The following MEI4 variants were observed in gnomAD, a reference collection of about 807,000 sequenced individuals.
MEI4 encodes the protein meiosis-specific protein MEI4.
MEI4 carries 27 observed loss-of-function variants against 31.4 expected under a neutral mutation model. That is an observed-to-expected ratio of 0.86 (90% CI 0.63 to 1.19). MEI4 has a LOEUF of 1.19. Among genes scored for constraint, MEI4 ranks in the 50% most tolerant of loss-of-function variants. The pLI is 0.00. For synonymous variants in MEI4, 122 were observed against 145.4 expected, an observed-to-expected ratio of 0.84 and a Z score of 1.16; for missense variants, 329 against 398.9, an observed-to-expected ratio of 0.82 and a Z score of 1.49.
intron 4 of MEI4, among the ~76,000 whole-genome samples, chr6:77,866,260 T>C (rs1341533035): frequency 6.6e-6 from 1 of 151,882 alleles, no homozygotes; most frequent in Non-Finnish European, 1.5e-5. Context: ...AAATAAAGGG[T>C]ATTCAATTAG....
At chr6:77,899,463 C>G (rs772593924) in intron 4 of MEI4, among the ~76,000 whole-genome samples, 2 of 152,034 alleles carry the variant, frequency 1.3e-5, no homozygotes, top group Non-Finnish European at 1.5e-5. Context: ...TTTTATCCAA[C>G]TAAAAGACCT....
At chr6:77,890,131 A>G (rs560650318) in intron 4 of MEI4, among the ~76,000 whole-genome samples, 24 of 152,212 alleles carry the variant, frequency 1.6e-4, no homozygotes, top group Admixed American at 7.9e-4. Context: ...TGGAACTGTC[A>G]GAAGAGGGCC....
chr6:77,727,457 T>G (rs1354078158), intron 2 of MEI4, among the ~76,000 whole-genome samples: 1 of 152,196 alleles, frequency 6.6e-6, no homozygotes, highest in African/African-American at 2.4e-5. Context: ...AGGGACAGTC[T>G]GAACTATTGA....
intron 4 of MEI4, among the ~76,000 whole-genome samples, chr6:77,904,689 A>G (rs1303044558): frequency 6.6e-6 from 1 of 152,038 alleles, no homozygotes; most frequent in African/African-American, 2.4e-5. Flanking sequence ...TATGCACCAC[A>G]TTTTCTTTAT....
chr6:77,650,648 G>A (rs1411107375), upstream of MEI4, among the ~76,000 whole-genome samples: 3 of 152,266 alleles, frequency 2.0e-5, no homozygotes, highest in African/African-American at 7.2e-5. Flanking sequence ...TTCTGTGCCT[G>A]TGGACCACTC....
intron 1 of MEI4, among the ~76,000 whole-genome samples, chr6:77,656,745 C>T (rs1384506833): frequency 1.3e-5 from 2 of 152,046 alleles, no homozygotes; most frequent in Non-Finnish European, 2.9e-5. Context: ...ATAATTTACT[C>T]TTAATAATCC....
chr6:77,870,137 A>T (rs1771155721), intron 4 of MEI4, among the ~76,000 whole-genome samples: 2 of 152,168 alleles, frequency 1.3e-5, no homozygotes, highest in Admixed American at 1.3e-4. Flanking sequence ...CAAATTTAAG[A>T]TAGTATGAAA....
chr6:77,879,818 C>A (rs1392480488), intron 4 of MEI4, among the ~76,000 whole-genome samples: 1 of 152,164 alleles, frequency 6.6e-6, no homozygotes, highest in African/African-American at 2.4e-5. Flanking sequence ...TTCAAAAACG[C>A]ACTTCCCAGA....
intron 4 of MEI4, among the ~76,000 whole-genome samples, chr6:77,898,466 T>A (rs1463781108): frequency 6.6e-6 from 1 of 152,038 alleles, no homozygotes; most frequent in Non-Finnish European, 1.5e-5. Flanking sequence ...TATATTATAT[T>A]CAGTGAACAT....
chr6:77,662,642 C>T (rs1467471493), intron 1 of MEI4, among the ~76,000 whole-genome samples: 3 of 152,142 alleles, frequency 2.0e-5, no homozygotes, highest in Admixed American at 6.5e-5. Context: ...AGCCACTGCA[C>T]GCAGACATGA....
Position 77,711,344 on chromosome 6 carries a change from G to GTGTATATATA in MEI4, c.232+20444_232+20445insATATATATGT, listed in dbSNP as rs1472405743. Among the ~76,000 whole-genome samples, 213 of 152,042 alleles carry GTGTATATATA rather than the reference G, an allele frequency of 1.4e-3. 1 individual carries two copies. The highest frequency in any genetic ancestry group is 4.5e-3 in the African/African-American group (187 of 41,470). On this transcript the variant is annotated intron_variant, in intron 2 of 4. Transcript: ENST00000684080. ...TATATGTGTATATATGTATATATATGTGTGTGTGTATATATATGTATATAT... is the reference window on the plus strand; with the variant it reads ...TATATGTGTATATATGTATATATATGTGTATATATATGTGTGTGTATATATATGTATATAT...
At chr6:77,803,002 A>T (rs1414748004) in intron 3 of MEI4, among the ~76,000 whole-genome samples, 1 of 152,012 alleles carries the variant, frequency 6.6e-6, no homozygotes. Context: ...GTATTTCCTG[A>T]ATTTGAATGT....
intron 2 of MEI4, among the ~76,000 whole-genome samples, chr6:77,727,427 A>G (rs536185088): frequency 2.0e-5 from 3 of 152,316 alleles, no homozygotes; most frequent in South Asian, 4.1e-4. Flanking sequence ...TTATTTGAAG[A>G]TATATGTTTA....
intron 4 of MEI4, among the ~76,000 whole-genome samples, chr6:77,866,955 A>C (rs931133880): frequency 4.6e-5 from 7 of 152,202 alleles, no homozygotes; most frequent in Non-Finnish European, 8.8e-5. Flanking sequence ...CAACCCTGAC[A>C]AAAACAAGCA....
At chr6:77,778,308 G>A (rs1181873865) in intron 3 of MEI4, among the ~76,000 whole-genome samples, 1 of 152,044 alleles carries the variant, frequency 6.6e-6, no homozygotes. Context: ...TAGAAGAGTT[G>A]CAAATAGAGG....
chr6:77,902,800 A>G (rs1033349393), intron 4 of MEI4, among the ~76,000 whole-genome samples: 1 of 152,032 alleles, frequency 6.6e-6, no homozygotes, highest in African/African-American at 2.4e-5. Context: ...TTCAAGTATC[A>G]CCTTTGCTTC....
intron 4 of MEI4, among the ~76,000 whole-genome samples, chr6:77,876,542 G>A (rs559867424): frequency 6.6e-6 from 1 of 152,246 alleles, no homozygotes; most frequent in Admixed American, 6.5e-5. Context: ...TACTCAGTCT[G>A]TGGTTTTCTG....
chr6:77,870,764 A>G lies in MEI4; in HGVS notation c.900+41702A>G, dbSNP rs559956696. Among the ~76,000 whole-genome samples the G allele has an allele frequency of 2.0e-5, 3 of 152,306 alleles. No homozygotes were observed. In the South Asian group the frequency reaches 6.2e-4, roughly 32 times the overall value. On this transcript the variant is annotated intron_variant, in intron 4 of 4. Coordinates refer to ENST00000684080, the MANE Select transcript of MEI4 (RefSeq NM_001322247.2). ...TCCATTATTAAAAGTTATTTTTTAC[A>G]GCGAAGAAATGAAGTTTCCAAAAGA...
chr6:77,791,259 T>C (rs1165014028), intron 3 of MEI4, among the ~76,000 whole-genome samples: 1 of 152,042 alleles, frequency 6.6e-6, no homozygotes, highest in East Asian at 1.9e-4. Flanking sequence ...TTATTCACGA[T>C]AGCAAAGACT....
Sources: gnomAD v4.1 joint callset for allele counts (sites outside exome capture counted in the v4.1 genomes callset) on GRCh38, gnomAD v4.1.1 for gene constraint, MANE v1.5 for transcripts, NCBI Gene and HGNC (gene_info 2026-07-23, HGNC 2026-07-21) for gene names.